The following RNF213 variants were observed in gnomAD, a reference collection of about 807,000 sequenced individuals.
RNF213 encodes the protein E3 ubiquitin-protein ligase RNF213.
In RNF213, 341 loss-of-function variants were observed where a neutral mutation model predicts 514.4. That is an observed-to-expected ratio of 0.66 (90% CI 0.61 to 0.73). The LOEUF is 0.73. RNF213 is among the 30% of genes least tolerant of loss of function. The pLI, the probability that RNF213 is intolerant of heterozygous loss-of-function variation, is 0.00. For missense variants in RNF213, 5,767 were observed against 6,615.6 expected, an observed-to-expected ratio of 0.87 and a Z score of 4.45; for synonymous variants, 2,655 against 2,658.2, an observed-to-expected ratio of 1.00 and a Z score of 0.04.
intron 3 of RNF213, chr17:80,278,952 G>T: frequency 6.5e-7 from 1 of 1,534,132 alleles, no homozygotes; most frequent in South Asian, 1.2e-5. Context: ...TCCCTGCCCT[G>T]GTGCATGCTG....
At chr17:80,352,481 A>G in intron 32 of RNF213, 1 of 485,664 alleles carries the variant, frequency 2.1e-6, no homozygotes, top group Non-Finnish European at 3.6e-6. Flanking sequence ...CTATCTTCAG[A>G]TCTCTTTTTT....
At position 80,317,323 on chromosome 17, in the gene RNF213, T is replaced by C; in HGVS notation, c.2901+46T>C. On this transcript the variant is annotated intron_variant, in intron 16 of 67. Transcript: ENST00000582970. This position sits in a 1 kb window ranked among gnomAD's most constrained non-coding sequence, Gnocchi z 4.1. ...GTCTTTTCAGGGCGTGAAGGCAAGCTGGAGAACCCCAGACCATTAGCGACA... is the reference window on the plus strand; with the variant it reads ...GTCTTTTCAGGGCGTGAAGGCAAGCCGGAGAACCCCAGACCATTAGCGACA... The C allele has an allele frequency of 1.9e-6, 3 of 1,561,314 alleles. No homozygotes were observed. The highest frequency in any genetic ancestry group is 2.7e-5 in the African/African-American group (2 of 74,168).
Position 80,294,931 on chromosome 17 carries a change from T to G in RNF213, c.1683T>G (p.Phe561Leu). ...SFFTQFEQFC[F>L]VLQQPMIYEG... The stretch of plus-strand genomic sequence containing the variant: ...TCACCCAGTTCGAGCAGTTTTGCTT[T>G]GTCCTGCAACAGCCTATGATTTATG... The change falls in exon 9 of 68, where the codon TTT (phenylalanine) becomes TTG (leucine). Residue 561 changes from phenylalanine to leucine, a missense_variant. Transcript: ENST00000582970. The G allele has an allele frequency of 6.2e-7, 1 of 1,614,210 alleles. No individual in the cohort carries two copies. Among genetic ancestry groups the G allele is most frequent in the African/African-American group, 1.3e-5 (1 of 75,042 alleles).
chr17:80,372,249 T>C (rs576302583), intron 47 of RNF213, among the ~76,000 whole-genome samples: 1 of 152,354 alleles, frequency 6.6e-6, no homozygotes, highest in Non-Finnish European at 1.5e-5. Context: ...ACATTATGGA[T>C]ACTTTTTATC....
At position 80,288,003 on chromosome 17, in the gene RNF213, C is replaced by T; in HGVS notation, c.450C>T (p.Pro150=). ...QSGPTGQPSQ[P]PGTATTPLEG... ...GCCCCACTGGCCAGCCGAGCCAGCC[C>T]CCAGGCACAGCCACCACGCCACTGG... The change falls in exon 4 of 68, where the codon CCC becomes CCT. Residue 150 remains proline, a synonymous_variant. Coordinates refer to ENST00000582970, the MANE Select transcript of RNF213 (RefSeq NM_001256071.3). The surrounding 1 kb of genome is among the most constrained non-coding windows in gnomAD (Gnocchi z 4.9). 6.3e-7 allele frequency: 1 copy of T among 1,590,418 alleles called. No individual in the cohort carries two copies. Among genetic ancestry groups the T allele is most frequent in the South Asian group, 1.1e-5 (1 of 88,726 alleles).
At chr17:80,297,172 C>A (rs1236519328) in intron 10 of RNF213, among the ~76,000 whole-genome samples, 2 of 151,656 alleles carry the variant, frequency 1.3e-5, no homozygotes, top group Non-Finnish European at 2.9e-5. Flanking sequence ...TGTTTTGGGG[C>A]CGGGCACGGT....
chr17:80,381,772 G>T (rs369621531), intron 57 of RNF213, 45 bp downstream of exon 57: 4 of 1,569,728 alleles, frequency 2.5e-6, no homozygotes, highest in South Asian at 1.1e-5. Flanking sequence ...ACAGCACAAC[G>T]GCAGCGCAAG....
chr17:80,269,264 A>G (rs905481283), intron 2 of RNF213, among the ~76,000 whole-genome samples: 2 of 152,128 alleles, frequency 1.3e-5, no homozygotes, highest in South Asian at 4.1e-4. Context: ...CACAACCAGA[A>G]CAATACTTTA....
At position 80,346,313 on chromosome 17, in the gene RNF213, G is replaced by T; in HGVS notation, c.7978G>T (p.Ala2660Ser). The change falls in exon 29 of 68, where the codon GCG becomes TCG. Residue 2660 changes from alanine (A) to serine (S), a missense_variant. By Grantham distance (99) the Ala-to-Ser change is moderately conservative. Transcript: ENST00000582970. This position sits in a 1 kb window ranked among gnomAD's most constrained non-coding sequence, Gnocchi z 8.1. ...WFHEHSAMLL[A>S]QLNAFLSKSS... Reference sequence around the variant, plus strand: ...CCACGAGCACAGCGCGATGCTCTTAGCGCAGCTGAATGCCTTTCTCTCCAA... The same window carrying T: ...CCACGAGCACAGCGCGATGCTCTTATCGCAGCTGAATGCCTTTCTCTCCAA... The T allele has an allele frequency of 6.2e-7, 1 of 1,614,114 alleles. No individual in the cohort carries two copies.
rs962291990 is a variant in RNF213 at position 80,372,861 on chromosome 17, A to G, written c.12752-114A>G. ...CTTTTCTACATCCCCTCTCCCCTGG[A>G]TGTGTTTCTGTGAATGCCTGTGGGT... is the stretch of plus-strand genomic sequence containing the variant. On this transcript the variant is annotated intron_variant, in intron 48 of 67. Transcript: ENST00000582970. 6.5e-5 allele frequency: 89 copies of G among 1,371,888 alleles called. 1 individual carries two copies. The East Asian group carries it at 2.1e-3, about 33-fold the overall frequency. The allele number at this position is 1,371,888 out of a possible 1,614,324, so 85.0% of individuals were successfully genotyped here. A position where few individuals can be genotyped will look rare whatever the true frequency, so the allele number is the denominator to read the frequency against.
chr17:80,262,480 C>G (rs923972831), intron 1 of RNF213, among the ~76,000 whole-genome samples: 4 of 152,068 alleles, frequency 2.6e-5, no homozygotes, highest in African/African-American at 4.8e-5. Flanking sequence ...CTCAGAGCTG[C>G]TCTCAGAGGA....
intron 45 of RNF213, 41 bp from the exon 46 acceptor site, chr17:80,369,727 A>G (rs2079440649): frequency 1.2e-6 from 2 of 1,613,476 alleles, no homozygotes; most frequent in South Asian, 1.1e-5. Flanking sequence ...TCGCTTCTGC[A>G]TGTCTCATGC....
chr17:80,360,930 A>AC (rs774488037), intron 38 of RNF213, among the ~76,000 whole-genome samples: 20 of 151,940 alleles, frequency 1.3e-4, no homozygotes, highest in Non-Finnish European at 2.5e-4. Flanking sequence ...TCAGGACAAT[A>AC]CCCCAACTGA....
intron 7 of RNF213, among the ~76,000 whole-genome samples, chr17:80,291,400 C>G (rs960309897): frequency 6.6e-6 from 1 of 151,924 alleles, no homozygotes. Context: ...CTCTGTCACC[C>G]AGGCTGGAGT....
rs969070854 is a variant in RNF213, at chr17:80,273,455, A to G, written c.261+51A>G. The G allele has an allele frequency of 1.9e-6, 3 of 1,605,966 alleles. No individual in the cohort carries two copies. In the African/African-American group the frequency reaches 4.0e-5, roughly 22 times the overall value. Reference sequence around the variant, plus strand: ...CCGCCCCCGCTCACTCTGCCCAGGAAAATCTCACTGCACAGCTGCCCAGCT... The same window carrying G: ...CCGCCCCCGCTCACTCTGCCCAGGAGAATCTCACTGCACAGCTGCCCAGCT... On this transcript the variant is annotated intron_variant, in intron 3 of 67. Transcript: ENST00000582970.
intron 32 of RNF213, chr17:80,352,426 A>C (rs1345517682): frequency 2.7e-6 from 1 of 366,544 alleles, no homozygotes; most frequent in African/African-American, 2.1e-5. Flanking sequence ...TCAGGAACGC[A>C]CCGATACGCC....
chr17:80,384,809 A>G (rs1303701891), intron 59 of RNF213: 2 of 579,188 alleles, frequency 3.5e-6, no homozygotes, highest in African/African-American at 1.9e-5. Context: ...CGTCAGCTCC[A>G]TAGAGGCTGG....
At chr17:80,363,346 C>A (rs762494247) in intron 40 of RNF213, 32 bp downstream of exon 40, 10 of 1,595,330 alleles carry the variant, frequency 6.3e-6, no homozygotes, top group Non-Finnish European at 6.9e-6. Flanking sequence ...CCTGAGCAAG[C>A]CTTGTGGTGC....
chr17:80,376,844 C>G (rs1332135732), intron 52 of RNF213, 38 bp from the exon 53 acceptor site: 2 of 1,574,452 alleles, frequency 1.3e-6, no homozygotes, highest in Non-Finnish European at 1.7e-6. Context: ...GTGACAAGCT[C>G]ACTTATCTAG....
Sources: allele counts gnomAD v4.1 joint callset (sites outside exome capture counted in the v4.1 genomes callset), GRCh38; gene constraint gnomAD v4.1.1; non-coding constraint Gnocchi (gnomAD v3.1); transcripts MANE v1.5; gene names NCBI Gene and HGNC (gene_info 2026-07-23, HGNC 2026-07-21).